The following CHAF1A variants were observed in gnomAD, a reference collection of about 807,000 sequenced individuals.
CHAF1A encodes the protein chromatin assembly factor 1 subunit A.
Under a neutral mutation model 93.2 loss-of-function variants are expected in CHAF1A, and 5 were observed. The ratio of observed to expected loss-of-function variants is 0.05; its 90% CI spans 0.03 to 0.11. The LOEUF (loss-of-function observed/expected upper bound fraction) is 0.11. Among genes scored for constraint, CHAF1A ranks in the 10% least tolerant of loss-of-function variants. The probability of loss-of-function intolerance (pLI) is 1.00; values close to 1 mark genes in which losing one functional copy is unlikely to be tolerated. For synonymous variants in CHAF1A, 504 were observed against 510.3 expected (o/e 0.99, Z 0.17); for missense variants, 1,102 against 1,259.9 (o/e 0.87, Z 1.90).
chr19:4,446,362 C>T, downstream of CHAF1A: 1 of 1,573,194 alleles, frequency 6.4e-7, no homozygotes, highest in Non-Finnish European at 8.6e-7. Context: ...GCTCCTCCTT[C>T]TCCCGCATGG....
intron 1 of CHAF1A, 98 bp downstream of exon 1, chr19:4,402,912 G>A: frequency 1.4e-6 from 1 of 736,498 alleles, no homozygotes; most frequent in Non-Finnish European, 1.8e-6. Context: ...CGGGCGCCAA[G>A]CCTGGTCCTG....
At chr19:4,408,011 C>T (rs1003402432) in intron 2 of CHAF1A, among the ~76,000 whole-genome samples, 13 of 151,812 alleles carry the variant, frequency 8.6e-5, no homozygotes, top group South Asian at 8.3e-4. Flanking sequence ...TAGCACCCCC[C>T]ACCCCCTCTT....
At chr19:4,406,804 A>G (rs1973689376) in intron 2 of CHAF1A, among the ~76,000 whole-genome samples, 1 of 152,156 alleles carries the variant, frequency 6.6e-6, no homozygotes, top group South Asian at 2.1e-4. Flanking sequence ...GCATACCTGT[A>G]AAACCAGCTA....
chr19:4,419,679 C>A (rs1279309380), intron 4 of CHAF1A, among the ~76,000 whole-genome samples: 1 of 152,146 alleles, frequency 6.6e-6, no homozygotes, highest in African/African-American at 2.4e-5. Context: ...GATCCACCCA[C>A]CTTGGCTTCC....
chr19:4,446,625 G>C (rs377563623), downstream of CHAF1A: 1 of 1,612,420 alleles, frequency 6.2e-7, no homozygotes, highest in Non-Finnish European at 8.5e-7. Context: ...TGGCGCGCAC[G>C]GGCTCCGCAG....
chr19:4,420,783 A>G (rs889092117), intron 4 of CHAF1A, among the ~76,000 whole-genome samples: 10 of 152,050 alleles, frequency 6.6e-5, no homozygotes, highest in African/African-American at 2.2e-4. Context: ...AAAGAAAAAG[A>G]ATTCCTGGGC....
At chr19:4,435,162 C>T (rs1348396228) in intron 13 of CHAF1A, among the ~76,000 whole-genome samples, 1 of 130,062 alleles carries the variant, frequency 7.7e-6, no homozygotes, top group African/African-American at 3.0e-5. Context: ...GTGATCTGGG[C>T]TCACTGCAAG....
chr19:4,438,030 C>T (rs1568183119), intron 13 of CHAF1A, among the ~76,000 whole-genome samples: 1 of 152,078 alleles, frequency 6.6e-6, no homozygotes, highest in Non-Finnish European at 1.5e-5. Context: ...CGTGAGACAC[C>T]ACGCCCGGCA....
At chr19:4,442,508 CGT>C (rs1164684207) in intron 14 of CHAF1A, among the ~76,000 whole-genome samples, 167 bp downstream of exon 14, 2 of 152,190 alleles carry the variant, frequency 1.3e-5, no homozygotes, top group African/African-American at 4.8e-5. Context: ...CGGGCTGGGC[CGT>C]GGGTGCTGAC....
At chr19:4,445,200 C>T, downstream of CHAF1A, 3 of 378,642 alleles carry the variant, frequency 7.9e-6, no homozygotes, top group South Asian at 2.5e-5. Flanking sequence ...CAGGGAGATG[C>T]CACGTGTGTC....
intron 3 of CHAF1A, among the ~76,000 whole-genome samples, chr19:4,411,984 G>A (rs1189643001): frequency 6.6e-6 from 1 of 152,000 alleles, no homozygotes; most frequent in Non-Finnish European, 1.5e-5. Context: ...TTGTTATATA[G>A]GTAAACTCTT....
chr19:4,432,869 C>T (rs73918239), intron 12 of CHAF1A, among the ~76,000 whole-genome samples: 3,507 of 152,196 alleles, frequency 0.023, 138 homozygotes, highest in African/African-American at 0.081. Context: ...TGGCAACACA[C>T]GTGCCCGGCC....
intron 13 of CHAF1A, among the ~76,000 whole-genome samples, chr19:4,435,390 G>A (rs1279274508): frequency 6.6e-6 from 1 of 151,490 alleles, no homozygotes; most frequent in Non-Finnish European, 1.5e-5. Context: ...GCCTTTTTTT[G>A]AGTCAGGGGT....
downstream of CHAF1A, chr19:4,446,842 C>T (rs1974541495): frequency 3.1e-6 from 5 of 1,613,962 alleles, no homozygotes; most frequent in African/African-American, 1.3e-5. Context: ...TTACCCTGAT[C>T]CTGGGCGGGA....
rs1973739224 is a variant in CHAF1A, at chr19:4,409,037, C to T, written c.238C>T (p.His80Tyr). Residue 80 changes from histidine (H) to tyrosine (Y), a missense_variant, in exon 3 of 15, where the codon CAT becomes TAT. By Grantham distance (83) the His-to-Tyr change is moderately conservative. Around this residue, in one of 6 missense-constraint regions of CHAF1A, gnomAD observed 379 missense variants for 365.7 expected, o/e 1.04. Transcript: ENST00000301280. ...TTTGGACACCTTGGAAAACAACTGT[C>T]ATGTGGGTTCTGACATAGACTTTAG... is the stretch of plus-strand genomic sequence containing the variant. Reference protein sequence around the residue: ...ASLDTLENNCHVGSDIDFRPK... With the variant: ...ASLDTLENNCYVGSDIDFRPK... The T allele has an allele frequency of 5.6e-6, 9 of 1,614,194 alleles. No individual in the cohort carries two copies. The highest frequency in any genetic ancestry group is 7.6e-6 in the Non-Finnish European group (9 of 1,180,048).
chr19:4,432,501 C>G (rs1974203602), intron 12 of CHAF1A, among the ~76,000 whole-genome samples: 1 of 152,104 alleles, frequency 6.6e-6, no homozygotes, highest in Non-Finnish European at 1.5e-5. Context: ...TGCCTCATGC[C>G]TGTGATGCCA....
At chr19:4,443,752 G>T (rs117557792), downstream of CHAF1A, among the ~76,000 whole-genome samples, 2,843 of 152,234 alleles carry the variant, frequency 0.019, 35 homozygotes, top group Middle Eastern at 0.024. Context: ...TGCATCTTTT[G>T]CGAGTGCTGG....
At chr19:4,418,412 T>C (rs1458055216) in intron 4 of CHAF1A, among the ~76,000 whole-genome samples, 2 of 46,504 alleles carry the variant, frequency 4.3e-5, no homozygotes, top group South Asian at 6.6e-4. Context: ...CCTGTCTCTT[T>C]TTTTTTTTTT....
intron 7 of CHAF1A, among the ~76,000 whole-genome samples, chr19:4,426,570 G>A (rs563716410): frequency 7.1e-4 from 108 of 151,944 alleles, no homozygotes; most frequent in Non-Finnish European, 1.2e-3. Context: ...TGCCTCCTGC[G>A]TTCAAATGAT....
Sources: allele counts gnomAD v4.1 joint callset (sites outside exome capture counted in the v4.1 genomes callset), GRCh38; gene constraint gnomAD v4.1.1; regional missense constraint gnomAD v4.1.1; transcripts MANE v1.5; gene names NCBI Gene and HGNC (gene_info 2026-07-23, HGNC 2026-07-21).